Variants in YWHAG observed in about 807,000 individuals in gnomAD.
YWHAG encodes 14-3-3 protein gamma.
Under a neutral mutation model 23.3 loss-of-function variants are expected in YWHAG, and 1 was observed. The ratio of observed to expected loss-of-function variants is 0.04; its 90% CI spans 0.02 to 0.20. The LOEUF is 0.20. YWHAG is among the 10% of genes least tolerant of loss of function. The probability of loss-of-function intolerance (pLI) is 1.00; values close to 1 mark genes in which losing one functional copy is unlikely to be tolerated. For synonymous variants in YWHAG, 160 were observed against 144.0 expected (o/e 1.11, Z -0.80); for missense variants, 151 against 338.6 (o/e 0.45, Z 4.35).
At chr7:76,335,810 G>A (rs1485124991) in intron 1 of YWHAG, among the ~76,000 whole-genome samples, 10 of 152,094 alleles carry the variant, frequency 6.6e-5, no homozygotes, top group Admixed American at 4.6e-4. Flanking sequence ...AATGAGCTGG[G>A]TGTGGTGTGC....
chr7:76,349,551 A>G (rs1803843157), intron 1 of YWHAG, among the ~76,000 whole-genome samples: 1 of 152,132 alleles, frequency 6.6e-6, no homozygotes, highest in Non-Finnish European at 1.5e-5. Context: ...TAATTCACTC[A>G]GCAAGTGTTT....
At chr7:76,344,743 C>T (rs1386719360) in intron 1 of YWHAG, among the ~76,000 whole-genome samples, 1 of 152,192 alleles carries the variant, frequency 6.6e-6, no homozygotes, top group Non-Finnish European at 1.5e-5. Flanking sequence ...ATTAGTTGAA[C>T]TCATCAATTG....
At chr7:76,332,330 T>C (rs6948661) in intron 1 of YWHAG, among the ~76,000 whole-genome samples, 45,557 of 152,096 alleles carry the variant, frequency 0.3, 7,004 homozygotes, top group East Asian at 0.44. Flanking sequence ...AGCAGACCGC[T>C]GTCACTCATG....
intron 1 of YWHAG, among the ~76,000 whole-genome samples, chr7:76,334,943 C>T (rs1803595783): frequency 6.6e-6 from 1 of 152,152 alleles, no homozygotes; most frequent in African/African-American, 2.4e-5. Context: ...ACTGTCATGG[C>T]TGTTGGAAAA....
intron 1 of YWHAG, among the ~76,000 whole-genome samples, chr7:76,345,352 A>T (rs4728691): frequency 0.2 from 30,866 of 151,558 alleles, 3,363 homozygotes; most frequent in East Asian, 0.31. Flanking sequence ...TGCCCAGCTA[A>T]TTTTTTGTAT....
intron 1 of YWHAG, among the ~76,000 whole-genome samples, chr7:76,354,396 A>G (rs1226015965): frequency 6.6e-6 from 1 of 152,072 alleles, no homozygotes; most frequent in Non-Finnish European, 1.5e-5. Context: ...CTGTAATCCC[A>G]GCTACTTGGG....
intron 1 of YWHAG, among the ~76,000 whole-genome samples, chr7:76,358,473 C>A (rs113979658): frequency 6.0e-4 from 92 of 152,088 alleles, no homozygotes; most frequent in African/African-American, 2.1e-3. Flanking sequence ...CCCCGCGGGA[C>A]CTCGCCCCGG....
chr7:76,357,646 C>T (rs1257202445), intron 1 of YWHAG, among the ~76,000 whole-genome samples: 2 of 152,032 alleles, frequency 1.3e-5, no homozygotes, highest in Non-Finnish European at 2.9e-5. Context: ...GATGTACTCG[C>T]TTAAACAAAA....
intron 1 of YWHAG, among the ~76,000 whole-genome samples, chr7:76,352,555 A>C (rs190159494): frequency 6.6e-6 from 1 of 152,342 alleles, no homozygotes; most frequent in Admixed American, 6.5e-5. Flanking sequence ...AAAGGTTAAG[A>C]AGCCCAAGAG....
intron 1 of YWHAG, among the ~76,000 whole-genome samples, chr7:76,353,847 C>T (rs115261477): frequency 0.027 from 4,099 of 151,622 alleles, 197 homozygotes; most frequent in African/African-American, 0.093. Flanking sequence ...GATGGGCAGA[C>T]TGCTTGAGTC....
At chr7:76,348,418 CTAAT>C (rs1803819722) in intron 1 of YWHAG, among the ~76,000 whole-genome samples, 1 of 143,810 alleles carries the variant, frequency 7.0e-6, no homozygotes, top group Non-Finnish European at 1.5e-5. Flanking sequence ...ACCATGCCCG[CTAAT>C]TTTTTTTTTT....
intron 1 of YWHAG, among the ~76,000 whole-genome samples, chr7:76,333,293 A>C (rs1277093502): frequency 6.6e-6 from 1 of 151,872 alleles, no homozygotes; most frequent in Non-Finnish European, 1.5e-5. Context: ...TAGTAGAGAC[A>C]AGGTCTCACT....
rs745872119 is a variant in YWHAG, at chr7:76,329,962, T to C, written c.359A>G (p.Lys120Arg). The change falls in exon 2 of 2, where the codon AAA (lysine) becomes AGA (arginine). Residue 120 changes from lysine to arginine, a missense_variant. Transcript: ENST00000307630. The surrounding 1 kb of genome is among the most constrained non-coding windows in gnomAD (Gnocchi z 6.1). ...CCCTTTCATCTTCAGGTAGAACACT[T>C]TGCTCTCGTACTGGGTCTCGCTGCA... ...KNCSETQYES[K>R]VFYLKMKGDY... is the part of the protein sequence containing the mutation. 50 of 1,614,044 alleles carry C rather than the reference T, an allele frequency of 3.1e-5. No homozygotes were observed. The highest frequency in any genetic ancestry group is 1.1e-5 in the Non-Finnish European group (13 of 1,180,022).
intron 1 of YWHAG, among the ~76,000 whole-genome samples, chr7:76,349,967 C>A (rs990947192): frequency 2.6e-5 from 4 of 152,200 alleles, no homozygotes; most frequent in Admixed American, 2.6e-4. Context: ...GTACCCCAGC[C>A]TGGGCAACAG....
At chr7:76,343,043 A>C (rs941330002) in intron 1 of YWHAG, among the ~76,000 whole-genome samples, 6 of 152,176 alleles carry the variant, frequency 3.9e-5, no homozygotes, top group African/African-American at 1.4e-4. Flanking sequence ...AGGGTGAGGT[A>C]GGAGAATCGC....
At position 76,358,975 on chromosome 7, in the gene YWHAG, G is replaced by C. The variant is rs550395401; in HGVS notation, c.-167C>G. The stretch of plus-strand genomic sequence containing the variant: ...CGGCTGGAGCTGCGACCGCGGGACC[G>C]GGCGCGAGGCGGCTGCGGCTGCTGT... On this transcript the variant is annotated 5_prime_UTR_variant, in exon 1 of 2. Coordinates refer to ENST00000307630, the MANE Select transcript of YWHAG (RefSeq NM_012479.4). 1.3e-4 allele frequency: 71 copies of C among 541,986 alleles called. No homozygotes were observed. The South Asian group carries it at 1.4e-3, about 10-fold the overall frequency. The allele number at this position is 541,986 out of a possible 1,614,324, so 33.6% of individuals were successfully genotyped here.
At chr7:76,334,875 C>T (rs1236820112) in intron 1 of YWHAG, among the ~76,000 whole-genome samples, 1 of 151,986 alleles carries the variant, frequency 6.6e-6, no homozygotes, top group Admixed American at 6.6e-5. Context: ...CCCATCACAC[C>T]CTGGTTAATA....
In YWHAG at chr7:76,326,850, C is replaced by T. The variant is rs1289746805; in HGVS notation, c.*2727G>A. On this transcript the variant is annotated 3_prime_UTR_variant, in exon 2 of 2. Transcript: ENST00000307630. ...TGTACGACAGCTACATAATGACTCA[C>T]ATTCATGATATTCCATCACTGAGGA... The T allele has an allele frequency of 6.6e-6, 1 of 152,628 alleles. No homozygotes were observed. The highest frequency in any genetic ancestry group is 1.9e-4 in the East Asian group (1 of 5,192). 9.5% of individuals were successfully genotyped at this position (152,628 alleles called of 1,614,324 possible).
intron 1 of YWHAG, among the ~76,000 whole-genome samples, chr7:76,356,725 A>T (rs774094296): frequency 6.6e-6 from 1 of 152,246 alleles, no homozygotes; most frequent in Non-Finnish European, 1.5e-5. Context: ...TTAAAAATAT[A>T]AAAAAGCATC....
Sources: allele counts gnomAD v4.1 joint callset (sites outside exome capture counted in the v4.1 genomes callset), GRCh38; gene constraint gnomAD v4.1.1; non-coding constraint Gnocchi (gnomAD v3.1); transcripts MANE v1.5; gene names NCBI Gene and HGNC (gene_info 2026-07-23, HGNC 2026-07-21).